Variants in SMCHD1 observed in about 807,000 individuals in gnomAD.
SMCHD1 encodes structural maintenance of chromosomes flexible hinge domain containing 1.
SMCHD1 carries 78 observed loss-of-function variants against 254.7 expected under a neutral mutation model. The ratio of observed to expected loss-of-function variants is 0.31; its 90% CI spans 0.26 to 0.37. The LOEUF is 0.37. Among genes scored for constraint, SMCHD1 ranks in the 10% least tolerant of loss-of-function variants. The probability of loss-of-function intolerance (pLI) is 1.00; values close to 1 mark genes in which losing one functional copy is unlikely to be tolerated. For missense variants in SMCHD1, 1,840 were observed against 2,408.1 expected, an observed-to-expected ratio of 0.76 and a Z score of 4.94; for synonymous variants, 766 against 794.9, an observed-to-expected ratio of 0.96 and a Z score of 0.61.
At chr18:2,801,605 G>A (rs1165273585) in intron 47 of SMCHD1, among the ~76,000 whole-genome samples, 1 of 151,924 alleles carries the variant, frequency 6.6e-6, no homozygotes, top group Non-Finnish European at 1.5e-5. Flanking sequence ...ATACAATCAG[G>A]AACAAATTTA....
intron 12 of SMCHD1, among the ~76,000 whole-genome samples, chr18:2,703,313 A>G (rs2074445042): frequency 6.6e-6 from 1 of 152,086 alleles, no homozygotes; most frequent in Admixed American, 6.6e-5. Context: ...TTATCGTCCC[A>G]TTGAGAATGT....
chr18:2,747,647 G>T lies in SMCHD1; in HGVS notation c.3927G>T (p.Lys1309Asn). 6.4e-7 allele frequency: 1 copy of T among 1,570,276 alleles called. No homozygotes were observed. Residue 1309 changes from lysine (K) to asparagine (N), a missense_variant and splice_region_variant, in exon 30 of 48, where the codon AAG becomes AAT. Physicochemically the swap from Lys to Asn is moderately conservative, Grantham distance 94 (BLOSUM62 0). Coordinates refer to ENST00000320876, the MANE Select transcript of SMCHD1 (RefSeq NM_015295.3). The stretch of plus-strand genomic sequence containing the variant: ...GTCTTACAAAAGCTAGCAATTTAAA[G>T]GTAAGTTTTAAACTTCCTTACATCT... ...KISLTKASNLKLMPSNQQHKT... is the reference protein window; with the variant it reads ...KISLTKASNLNLMPSNQQHKT...
intron 47 of SMCHD1, among the ~76,000 whole-genome samples, chr18:2,797,654 G>A (rs2076285790): frequency 6.6e-6 from 1 of 152,228 alleles, no homozygotes; most frequent in Non-Finnish European, 1.5e-5. Context: ...AGGAATTACA[G>A]TGGCTTATGC....
At position 2,803,386 on chromosome 18, in the gene SMCHD1, A is replaced by T. The variant is rs985575723; in HGVS notation, c.*834A>T. 5 of 151,784 alleles carry T rather than the reference A, an allele frequency of 3.3e-5. No individual in the cohort carries two copies. The highest frequency in any genetic ancestry group is 1.2e-4 in the African/African-American group (5 of 41,406). 9.4% of individuals were successfully genotyped at this position (151,784 alleles called of 1,614,324 possible). ...TAAAGAGAACATACATTCTCACATT[A>T]GTGTACTTTCTGGTAGAAAGTTGCT... On this transcript the variant is annotated 3_prime_UTR_variant, in exon 48 of 48. Coordinates refer to ENST00000320876, the MANE Select transcript of SMCHD1 (RefSeq NM_015295.3).
chr18:2,793,669 AAAG>A lies in SMCHD1; in HGVS notation c.5720-2277_5720-2275del, dbSNP rs1189865538. 1.3e-4 allele frequency among the ~76,000 whole-genome samples: 19 copies of A among 146,168 alleles called. 3 individuals are homozygous for A. The highest frequency in any genetic ancestry group is 2.1e-4 in the Admixed American group (3 of 14,418). On this transcript the variant is annotated intron_variant, in intron 45 of 47. Coordinates refer to ENST00000320876, the MANE Select transcript of SMCHD1 (RefSeq NM_015295.3). ...GAGACTCCGTCTCAAAAAAAAAAAA[AAAG>A]AAAGAAAACATTGCTTTAATGTGGA...
At chr18:2,713,888 TA>T (rs2074737101) in intron 17 of SMCHD1, among the ~76,000 whole-genome samples, 1 of 152,198 alleles carries the variant, frequency 6.6e-6, no homozygotes, top group Admixed American at 6.5e-5. Flanking sequence ...TTTTGTGGCC[TA>T]ATGTATGGCC....
chr18:2,693,385 C>T (rs1206270143), intron 7 of SMCHD1, among the ~76,000 whole-genome samples: 1 of 152,178 alleles, frequency 6.6e-6, no homozygotes, highest in Non-Finnish European at 1.5e-5. Context: ...CTGCTACACA[C>T]CTAGGCTATA....
At chr18:2,658,652 G>A (rs571029626) in intron 1 of SMCHD1, among the ~76,000 whole-genome samples, 1 of 152,140 alleles carries the variant, frequency 6.6e-6, no homozygotes, top group South Asian at 2.1e-4. Context: ...CTTCTTTTAA[G>A]CATTATTAGA....
chr18:2,796,478 G>A lies in SMCHD1; in HGVS notation c.5950G>A (p.Val1984Ile). 4 of 1,604,704 alleles carry A rather than the reference G, an allele frequency of 2.5e-6. No individual in the cohort carries two copies. The highest frequency in any genetic ancestry group is 3.4e-6 in the Non-Finnish European group (4 of 1,175,484). ...AAAGGTTGAGACGACAGATTGTCCA[G>A]TTCCTCCTAAAAGAATGAGACGAGA... ...SPKVETTDCP[V>I]PPKRMRREAT... Residue 1984 changes from valine to isoleucine, a missense_variant, in exon 47 of 48, where the codon GTT (valine) becomes ATT (isoleucine). Physicochemically the swap from Val to Ile is conservative, Grantham distance 29. Transcript: ENST00000320876.
chr18:2,699,967 A>G (rs947477043), intron 10 of SMCHD1, among the ~76,000 whole-genome samples: 1 of 152,240 alleles, frequency 6.6e-6, no homozygotes, highest in Non-Finnish European at 1.5e-5. Flanking sequence ...ACATAAGATT[A>G]TAGACAATTG....
chr18:2,677,444 T>C (rs1598299089), intron 5 of SMCHD1, among the ~76,000 whole-genome samples: 1 of 152,320 alleles, frequency 6.6e-6, no homozygotes, highest in East Asian at 1.9e-4. Context: ...TTATCTTTTA[T>C]GGAGATAAAA....
intron 24 of SMCHD1, among the ~76,000 whole-genome samples, chr18:2,730,279 C>T (rs574850004): frequency 1.4e-3 from 217 of 152,048 alleles, no homozygotes; most frequent in African/African-American, 4.8e-3. Context: ...CACGCCATTC[C>T]CCTGCCTCAG....
At chr18:2,693,610 G>A (rs2074226005) in intron 7 of SMCHD1, among the ~76,000 whole-genome samples, 1 of 149,846 alleles carries the variant, frequency 6.7e-6, no homozygotes, top group South Asian at 2.1e-4. Context: ...GCGCATGCGT[G>A]CATACCATGT....
rs75898678 is a variant in SMCHD1, at chr18:2,700,206, G to A, written c.1343-333G>A. On this transcript the variant is annotated intron_variant, in intron 10 of 47. Transcript: ENST00000320876. ...AAAATTGTGAAACTGTTTTAGATAC[G>A]GGATTTAAGCTCCTATATTTGTAGG... is the stretch of plus-strand genomic sequence containing the variant. Among the ~76,000 whole-genome samples the A allele has an allele frequency of 0.072, 10,962 of 152,222 alleles. 516 individuals are homozygous for A. The highest frequency in any genetic ancestry group is 0.15 in the Admixed American group (2,349 of 15,286).
chr18:2,789,514 A>AT (rs2076286926), intron 45 of SMCHD1, among the ~76,000 whole-genome samples: 1 of 4,146 alleles, frequency 2.4e-4, no homozygotes, highest in African/African-American at 2.8e-4. Context: ...GAGAGAGTAG[A>AT]CCTGTTTTTT....
chr18:2,743,670 C>T (rs1012406062), intron 28 of SMCHD1, 91 bp from the exon 29 acceptor site: 9 of 831,230 alleles, frequency 1.1e-5, no homozygotes, highest in East Asian at 8.3e-5. Context: ...CACATCTGTA[C>T]GCCCATGGGT....
At chr18:2,694,181 A>G (rs1266443968) in intron 7 of SMCHD1, among the ~76,000 whole-genome samples, 1 of 152,234 alleles carries the variant, frequency 6.6e-6, no homozygotes, top group African/African-American at 2.4e-5. Flanking sequence ...TCTCCCAAGC[A>G]AGCGTTCATT....
intron 44 of SMCHD1, among the ~76,000 whole-genome samples, chr18:2,781,272 A>T (rs1051536240): frequency 1.3e-5 from 2 of 152,210 alleles, no homozygotes; most frequent in African/African-American, 4.8e-5. Context: ...TTTGGCACTA[A>T]GCGGAAAAGT....
chr18:2,794,673 A>G (rs1339675760), intron 45 of SMCHD1, among the ~76,000 whole-genome samples: 1 of 152,204 alleles, frequency 6.6e-6, no homozygotes, highest in Non-Finnish European at 1.5e-5. Context: ...GGAATTTCAA[A>G]ATTTATTTTT....
Sources: gnomAD v4.1 joint callset for allele counts (sites outside exome capture counted in the v4.1 genomes callset) on GRCh38, gnomAD v4.1.1 for gene constraint, MANE v1.5 for transcripts, NCBI Gene and HGNC (gene_info 2026-07-23, HGNC 2026-07-21) for gene names.